The following EVL variants were observed in gnomAD, a reference collection of about 807,000 sequenced individuals.
EVL encodes Enah/Vasp-like.
EVL carries 21 observed loss-of-function variants against 59.6 expected under a neutral mutation model. The ratio of observed to expected loss-of-function variants is 0.35; its 90% CI spans 0.25 to 0.51. The LOEUF is 0.51. Among genes scored for constraint, EVL ranks in the 20% least tolerant of loss-of-function variants. EVL has a pLI of 0.97. For missense variants in EVL, 462 were observed against 546.6 expected (o/e 0.85, Z 1.54); for synonymous variants, 198 against 203.5 (o/e 0.97, Z 0.23).
chr14:100,124,841 G>A (rs575932060), intron 4 of EVL, among the ~76,000 whole-genome samples: 25 of 152,302 alleles, frequency 1.6e-4, no homozygotes, highest in Admixed American at 3.3e-4. Flanking sequence ...CTGGCCGTCC[G>A]GGAATGGGCA....
chr14:100,138,949 T>G (rs1170440534), intron 11 of EVL: 2 of 152,702 alleles, frequency 1.3e-5, no homozygotes, highest in African/African-American at 4.8e-5. Context: ...CCCCCGCACC[T>G]CCACCTGGAA....
intron 2 of EVL, among the ~76,000 whole-genome samples, chr14:100,085,605 C>G (rs2062423313): frequency 6.6e-6 from 1 of 152,184 alleles, no homozygotes; most frequent in African/African-American, 2.4e-5. Context: ...TCTATATAAA[C>G]AGCATCTTGT....
In EVL at chr14:100,130,864, C is replaced by T. The variant is rs1413636258; in HGVS notation, c.839+1180C>T. On this transcript the variant is annotated intron_variant, in intron 7 of 13. Transcript: ENST00000392920. This position sits in a 1 kb window ranked among gnomAD's most constrained non-coding sequence, Gnocchi z 4.8. Reference sequence around the variant, plus strand: ...CTACTGGGCCTGGGCGTTTGTACATCGCCAAGACAGGAGGCAGGCTTCTGA... The same window carrying T: ...CTACTGGGCCTGGGCGTTTGTACATTGCCAAGACAGGAGGCAGGCTTCTGA... Among the ~76,000 whole-genome samples the T allele has an allele frequency of 2.0e-5, 3 of 152,224 alleles. No individual in the cohort carries two copies. Among genetic ancestry groups the T allele is most frequent in the Admixed American group, 6.5e-5 (1 of 15,284 alleles).
chr14:100,060,982 A>C (rs978216165), upstream of EVL, among the ~76,000 whole-genome samples: 7 of 151,986 alleles, frequency 4.6e-5, no homozygotes, highest in African/African-American at 9.7e-5. Flanking sequence ...AAAAAAAAAA[A>C]AAAAACCTCA....
At chr14:100,056,325 A>G (rs1053446139) in intron 1 of EVL, among the ~76,000 whole-genome samples, 1 of 148,890 alleles carries the variant, frequency 6.7e-6, no homozygotes, top group Non-Finnish European at 1.5e-5. Flanking sequence ...TAAGTTTCTC[A>G]TCTTTGCCTC....
chr14:100,098,507 G>C (rs1173395139), intron 3 of EVL, among the ~76,000 whole-genome samples: 1 of 152,212 alleles, frequency 6.6e-6, no homozygotes, highest in East Asian at 1.9e-4. Flanking sequence ...AAGACTTTGG[G>C]CTTGCTTGAT....
rs1449375296 is a variant in EVL at position 100,102,526 on chromosome 14, G to C, written c.358+4868G>C. On this transcript the variant is annotated intron_variant, in intron 3 of 13. Coordinates refer to ENST00000392920, the MANE Select transcript of EVL (RefSeq NM_016337.3). ...TTCTGCTGGAGAAACTTCTTGTTTAGCTTCTAGAGCCATGTTGGTGGGTCA... is the reference window on the plus strand; with the variant it reads ...TTCTGCTGGAGAAACTTCTTGTTTACCTTCTAGAGCCATGTTGGTGGGTCA... 1.1e-5 allele frequency: 4 copies of C among 372,196 alleles called. No homozygotes were observed. In the East Asian group the frequency reaches 3.0e-4, roughly 28 times the overall value. The allele number at this position is 372,196 out of a possible 1,614,324, so 23.1% of individuals were successfully genotyped here.
chr14:99,981,832 T>C (rs2060808554), intron 1 of EVL, among the ~76,000 whole-genome samples: 1 of 152,232 alleles, frequency 6.6e-6, no homozygotes, highest in South Asian at 2.1e-4. Flanking sequence ...TCAGGGCAGT[T>C]GCTACAAACC....
chr14:100,047,266 G>A lies in EVL; in HGVS notation c.6-37421G>A, dbSNP rs980908580. Among the ~76,000 whole-genome samples the A allele has an allele frequency of 4.0e-5, 6 of 151,718 alleles. No homozygotes were observed. In the East Asian group the frequency reaches 1.2e-3, roughly 30 times the overall value. ...ATCCAGTCTCTTACCTAAAGTAGAC[G>A]GGCGCTATAGTTACCATTGGCTAGA... is the stretch of plus-strand genomic sequence containing the variant. On this transcript the variant is annotated intron_variant, in intron 1 of 13. Transcript: ENST00000402714.
intron 1 of EVL, among the ~76,000 whole-genome samples, chr14:99,975,598 A>G (rs2060764825): frequency 6.6e-6 from 1 of 152,220 alleles, no homozygotes; most frequent in Non-Finnish European, 1.5e-5. Flanking sequence ...ACCTCAGATC[A>G]TCAGGGATTA....
At chr14:100,047,689 C>T (rs1199729738) in intron 1 of EVL, among the ~76,000 whole-genome samples, 1 of 152,148 alleles carries the variant, frequency 6.6e-6, no homozygotes, top group Non-Finnish European at 1.5e-5. Context: ...CATTCTGCAA[C>T]CTATATCACG....
intron 6 of EVL, among the ~76,000 whole-genome samples, chr14:100,129,127 A>G (rs562164900): frequency 1.3e-5 from 2 of 152,206 alleles, no homozygotes; most frequent in African/African-American, 4.8e-5. Context: ...AGGAAGCTGT[A>G]TGCTGGCAAC....
At chr14:100,143,569 C>G in intron 13 of EVL, 132 bp from the exon 14 acceptor site, 1 of 1,119,012 alleles carries the variant, frequency 8.9e-7, no homozygotes, top group Non-Finnish European at 1.3e-6. Flanking sequence ...ATGCCAAAGC[C>G]TGGGTGGGGC....
At chr14:100,137,434 G>A in intron 9 of EVL, 144 bp from the exon 10 acceptor site, 1 of 782,112 alleles carries the variant, frequency 1.3e-6, no homozygotes, top group Non-Finnish European at 2.1e-6. Flanking sequence ...GCCAGGTTTT[G>A]GCTTAACTCA....
intron 1 of EVL, among the ~76,000 whole-genome samples, chr14:100,058,460 A>G (rs1368525969): frequency 1.3e-5 from 2 of 152,220 alleles, no homozygotes; most frequent in African/African-American, 4.8e-5. Context: ...GCAGTATACC[A>G]GGTGCTGAGC....
In EVL at chr14:100,028,551, G is replaced by A. The variant is rs113182851; in HGVS notation, c.6-56136G>A. Among the ~76,000 whole-genome samples, 9 of 152,250 alleles carry A rather than the reference G, an allele frequency of 5.9e-5. 1 individual carries two copies. Among genetic ancestry groups the A allele is most frequent in the African/African-American group, 1.7e-4 (7 of 41,548 alleles). ...CTATCGGCCGGGCGCGGTGGCTCAC[G>A]CCTGTAATCCCAGCACTTTGGGAGG... On this transcript the variant is annotated intron_variant, in intron 1 of 13. Coordinates refer to the EVL transcript ENST00000402714.
chr14:100,007,842 G>A (rs996412248), intron 1 of EVL, among the ~76,000 whole-genome samples: 2 of 151,998 alleles, frequency 1.3e-5, no homozygotes, highest in African/African-American at 4.8e-5. Flanking sequence ...AGAAAAGCAC[G>A]GACAGCTTTC....
intron 1 of EVL, among the ~76,000 whole-genome samples, chr14:100,023,621 C>A (rs2061164560): frequency 6.6e-6 from 1 of 151,888 alleles, no homozygotes; most frequent in Non-Finnish European, 1.5e-5. Context: ...GCCACCGCAC[C>A]TAGCCTAATT....
intron 1 of EVL, among the ~76,000 whole-genome samples, chr14:100,030,221 A>G (rs1418507966): frequency 6.6e-6 from 1 of 151,102 alleles, no homozygotes; most frequent in East Asian, 1.9e-4. Context: ...CCTCCCAAGT[A>G]GCTGGGATTA....
Sources: allele counts gnomAD v4.1 joint callset (sites outside exome capture counted in the v4.1 genomes callset), GRCh38; gene constraint gnomAD v4.1.1; non-coding constraint Gnocchi (gnomAD v3.1); transcripts MANE v1.5; gene names NCBI Gene and HGNC (gene_info 2026-07-23, HGNC 2026-07-21).